CPLANE1: variants seen among roughly 807,000 people sequenced by gnomAD.
The protein encoded by CPLANE1 is ciliogenesis and planar polarity effector 1.
In CPLANE1, 263 loss-of-function variants were observed where a neutral mutation model predicts 362.5. That is an observed-to-expected ratio of 0.73 (90% CI 0.66 to 0.80). The LOEUF (loss-of-function observed/expected upper bound fraction) is 0.80. Ranked by LOEUF, CPLANE1 falls within the 30% of genes least tolerant of loss-of-function variation. The pLI is 0.00. For synonymous variants in CPLANE1, 1,212 were observed against 1,302.6 expected (o/e 0.93, Z 1.50); for missense variants, 3,461 against 3,793.4 (o/e 0.91, Z 2.30).
intron 44 of CPLANE1, chr5:37,142,058 T>A: frequency 1.1e-6 from 1 of 886,846 alleles, no homozygotes; most frequent in Non-Finnish European, 1.4e-6. Context: ...TTACAGTAAT[T>A]CCAGTTGCTA....
At chr5:37,216,575 T>TGAA (rs141079445) in intron 15 of CPLANE1, among the ~76,000 whole-genome samples, 8,083 of 151,786 alleles carry the variant, frequency 0.053, 661 homozygotes, top group African/African-American at 0.18. Context: ...ATGTGTGGAG[T>TGAA]GAAGGGAGAT....
intron 21 of CPLANE1, among the ~76,000 whole-genome samples, chr5:37,194,559 A>T (rs1029018967): frequency 3.9e-5 from 6 of 152,212 alleles, no homozygotes; most frequent in Admixed American, 6.5e-5. Context: ...GAGAGAAGCA[A>T]TCAAGAAGCA....
chr5:37,218,216 AATGTG>A lies in CPLANE1; in HGVS notation c.2746+3103_2746+3107del, dbSNP rs1235359722. Among the ~76,000 whole-genome samples the A allele has an allele frequency of 2.0e-5, 3 of 152,258 alleles. No individual in the cohort carries two copies. The East Asian group carries it at 5.8e-4, about 29-fold the overall frequency. ...CTCACTGAACCTAAACTGTATAAACAATGTGGTTTACGCTGAACATCTGTTTTCCC... is the reference window on the plus strand; with the variant it reads ...CTCACTGAACCTAAACTGTATAAACAGTTTACGCTGAACATCTGTTTTCCC... On this transcript the variant is annotated intron_variant, in intron 15 of 52. Transcript: ENST00000651892.
intron 44 of CPLANE1, chr5:37,140,411 A>T: frequency 2.0e-6 from 2 of 984,922 alleles, no homozygotes; most frequent in Non-Finnish European, 2.4e-6. Context: ...GAATCTGGGC[A>T]TTTGTGGGTT....
intron 8 of CPLANE1, among the ~76,000 whole-genome samples, chr5:37,233,823 G>T (rs997366720): frequency 3.4e-4 from 51 of 152,154 alleles, no homozygotes; most frequent in African/African-American, 1.1e-3. Flanking sequence ...GTGGTCTAGG[G>T]CCTAAAAACA....
chr5:37,212,363 AC>A, intron 16 of CPLANE1: 1 of 833,436 alleles, frequency 1.2e-6, no homozygotes, highest in Non-Finnish European at 2.1e-6. Context: ...CTCATGAAGA[AC>A]CAGATGACTC....
intron 8 of CPLANE1, among the ~76,000 whole-genome samples, chr5:37,231,642 G>A (rs1465155561): frequency 3.3e-5 from 5 of 152,096 alleles, no homozygotes; most frequent in African/African-American, 1.2e-4. Flanking sequence ...CTACAATCAA[G>A]ATCTACTGAT....
At chr5:37,141,081 C>T in intron 44 of CPLANE1, 18 of 985,384 alleles carry the variant, frequency 1.8e-5, no homozygotes, top group Non-Finnish European at 2.2e-5. Flanking sequence ...CCATCAGTTA[C>T]TAATTCAAAA....
intron 10 of CPLANE1, 68 bp downstream of exon 10, chr5:37,227,500 T>C: frequency 2.7e-6 from 4 of 1,487,474 alleles, no homozygotes. Flanking sequence ...AGGACATTAT[T>C]GTCAGTAAAG....
intron 15 of CPLANE1, among the ~76,000 whole-genome samples, chr5:37,220,318 G>T (rs747770590): frequency 1.3e-5 from 2 of 151,506 alleles, no homozygotes; most frequent in Non-Finnish European, 2.9e-5. Context: ...GAATGAAATT[G>T]CTATCAACTC....
At chr5:37,191,547 T>C (rs1480439666) in intron 21 of CPLANE1, among the ~76,000 whole-genome samples, 8 of 152,064 alleles carry the variant, frequency 5.3e-5, no homozygotes. Context: ...GGTACATGCC[T>C]GTTGTCCCAG....
chr5:37,170,476 C>CAGGGAAATT (rs1779476536), intron 32 of CPLANE1, 145 bp from the exon 33 acceptor site: 3 of 844,690 alleles, frequency 3.6e-6, no homozygotes, highest in Non-Finnish European at 5.1e-6. Flanking sequence ...AGGAGGCAGT[C>CAGGGAAATT]AGGGAAATTT....
chr5:37,117,616 C>T (rs1561301537), intron 50 of CPLANE1, among the ~76,000 whole-genome samples: 2 of 152,120 alleles, frequency 1.3e-5, no homozygotes, highest in Non-Finnish European at 2.9e-5. Context: ...GGTTGGAAAA[C>T]AAGCTGCTGA....
At chr5:37,104,441 A>G (rs1414134692), downstream of CPLANE1, among the ~76,000 whole-genome samples, 1 of 151,698 alleles carries the variant, frequency 6.6e-6, no homozygotes, top group African/African-American at 2.4e-5. Flanking sequence ...TCTACTAAAA[A>G]TACAGAAAAG....
chr5:37,162,298 A>C (rs1777044359), intron 38 of CPLANE1, among the ~76,000 whole-genome samples, 167 bp downstream of exon 38: 1 of 152,248 alleles, frequency 6.6e-6, no homozygotes, highest in African/African-American at 2.4e-5. Flanking sequence ...TAAGTTATCA[A>C]TTTGATTTCT....
chr5:37,170,903 T>C (rs1231147941), intron 32 of CPLANE1, among the ~76,000 whole-genome samples: 2 of 152,164 alleles, frequency 1.3e-5, no homozygotes, highest in Non-Finnish European at 2.9e-5. Context: ...GCCACTGCAC[T>C]CCAGCCTGGT....
chr5:37,242,989 G>A (rs1255973487), intron 6 of CPLANE1, 24 bp downstream of exon 6: 12 of 1,466,352 alleles, frequency 8.2e-6, no homozygotes, highest in Non-Finnish European at 1.1e-5. Flanking sequence ...AGTAAGAAAA[G>A]GAAGAAGAAA....
intron 46 of CPLANE1, among the ~76,000 whole-genome samples, chr5:37,136,644 C>T (rs1350566960): frequency 2.0e-5 from 3 of 152,224 alleles, no homozygotes; most frequent in East Asian, 1.9e-4. Context: ...GATAGCTATA[C>T]CCTTGCAACA....
At chr5:37,152,687 G>C (rs892896201) in intron 42 of CPLANE1, among the ~76,000 whole-genome samples, 2 of 152,022 alleles carry the variant, frequency 1.3e-5, no homozygotes, top group Non-Finnish European at 2.9e-5. Context: ...AGAATTCAAG[G>C]CTAGTTCAAG....
Sources: allele counts gnomAD v4.1 joint callset (sites outside exome capture counted in the v4.1 genomes callset), GRCh38; gene constraint gnomAD v4.1.1; transcripts MANE v1.5; gene names NCBI Gene and HGNC (gene_info 2026-07-23, HGNC 2026-07-21).